The following ALKBH3 variants were observed in gnomAD, a reference collection of about 807,000 sequenced individuals.
The protein encoded by ALKBH3 is alpha-ketoglutarate-dependent dioxygenase alkB homolog 3.
A neutral mutation model predicts 43.9 loss-of-function variants in ALKBH3; 51 were observed. The observed-to-expected ratio is 1.16, with a 90% CI of 0.93 to 1.47. ALKBH3 has a LOEUF of 1.47. Among genes scored for constraint, ALKBH3 ranks in the 40% most tolerant of loss-of-function variants. The pLI, the probability that ALKBH3 is intolerant of heterozygous loss-of-function variation, is 0.00. For missense variants in ALKBH3, 361 were observed against 351.9 expected, an observed-to-expected ratio of 1.03 and a Z score of -0.21; for synonymous variants, 102 against 115.2, an observed-to-expected ratio of 0.89 and a Z score of 0.73.
intron 7 of ALKBH3, among the ~76,000 whole-genome samples, chr11:43,895,197 C>T (rs753438228): frequency 5.3e-5 from 8 of 152,238 alleles, no homozygotes; most frequent in South Asian, 4.1e-4. Context: ...TTCTTCACTG[C>T]GAAACATATA....
At chr11:43,903,154 A>G (rs974859924) in intron 8 of ALKBH3, among the ~76,000 whole-genome samples, 1 of 152,182 alleles carries the variant, frequency 6.6e-6, no homozygotes, top group Admixed American at 6.5e-5. Context: ...GATCATTGTT[A>G]GGGGATTGGT....
Position 43,898,612 on chromosome 11 carries a change from C to G in ALKBH3, c.460-2904C>G, listed in dbSNP as rs772106325. The G allele has an allele frequency of 1.3e-5, 10 of 742,204 alleles. No individual in the cohort carries two copies. In the East Asian group the frequency reaches 2.5e-4, roughly 19 times the overall value. 46.0% of individuals were successfully genotyped at this position (742,204 alleles called of 1,614,324 possible). On this transcript the variant is annotated intron_variant, in intron 7 of 9. Coordinates refer to ENST00000302708, the MANE Select transcript of ALKBH3 (RefSeq NM_139178.4). ...TTGGCCTATCAGCTCATGGACCTGC[C>G]TGGCGGACTTGGAAGGGGTGAACAT...
chr11:43,914,108 G>A (rs545556316), intron 8 of ALKBH3, among the ~76,000 whole-genome samples: 1 of 152,284 alleles, frequency 6.6e-6, no homozygotes, highest in South Asian at 2.1e-4. Flanking sequence ...GACCCCTACA[G>A]TATAGTCAGG....
chr11:43,917,882 T>G (rs1951996216), intron 8 of ALKBH3, among the ~76,000 whole-genome samples: 1 of 152,232 alleles, frequency 6.6e-6, no homozygotes, highest in Non-Finnish European at 1.5e-5. Context: ...TGACTATGCT[T>G]GACAAAGTTA....
chr11:43,919,545 G>C (rs1372642676), intron 9 of ALKBH3: 1 of 277,486 alleles, frequency 3.6e-6, no homozygotes, highest in East Asian at 8.6e-5. Context: ...TTTTAGGCCA[G>C]ATCATTTCTA....
At position 43,901,704 on chromosome 11, in the gene ALKBH3, G is replaced by A. The variant is rs763212616; in HGVS notation, c.648G>A (p.Glu216=). ...SLSFGATRTF[E]MRKKPPPEEN... is the part of the protein sequence containing the mutation. The stretch of plus-strand genomic sequence containing the variant: ...GTTTTGGTGCCACACGCACATTTGA[G>A]ATGAGAAAGAAGCCACCACCAGTGA... Residue 216 remains glutamate, a synonymous_variant, in exon 8 of 10, where the codon GAG becomes GAA. Coordinates refer to ENST00000302708, the MANE Select transcript of ALKBH3 (RefSeq NM_139178.4). The A allele has an allele frequency of 2.9e-5, 47 of 1,614,104 alleles. 1 individual carries two copies. In the South Asian group the frequency reaches 4.9e-4, roughly 17 times the overall value.
chr11:43,901,367 TTC>T (rs1213743258), intron 7 of ALKBH3, 147 bp from the exon 8 acceptor site: 3 of 778,292 alleles, frequency 3.9e-6, no homozygotes, highest in Non-Finnish European at 6.1e-6. Context: ...TTTTCTTGCC[TTC>T]TGTTTATTGC....
chr11:43,891,656 C>T (rs1453097175), intron 6 of ALKBH3, among the ~76,000 whole-genome samples: 1 of 152,100 alleles, frequency 6.6e-6, no homozygotes, highest in Non-Finnish European at 1.5e-5. Context: ...TTGTTTCTCA[C>T]ATGGATGTTG....
At position 43,889,915 on chromosome 11, in the gene ALKBH3, G is replaced by A. The variant is rs999109263; in HGVS notation, c.370+87G>A. The A allele has an allele frequency of 1.2e-5, 14 of 1,154,096 alleles. No individual in the cohort carries two copies. In the Admixed American group the frequency reaches 2.1e-4, roughly 17 times the overall value. 71.5% of individuals were successfully genotyped at this position (1,154,096 alleles called of 1,614,324 possible). On this transcript the variant is annotated intron_variant, in intron 6 of 9. Coordinates refer to ENST00000302708, the MANE Select transcript of ALKBH3 (RefSeq NM_139178.4). The stretch of plus-strand genomic sequence containing the variant: ...AGTACCATCACTTCTGCTCACCAAA[G>A]CTAGTCTTAAACAGAAATTCAAAAC...
chr11:43,887,931 G>A (rs1022551659), intron 5 of ALKBH3, among the ~76,000 whole-genome samples: 17 of 151,786 alleles, frequency 1.1e-4, no homozygotes, highest in African/African-American at 4.1e-4. Flanking sequence ...TGGGACTACA[G>A]GCACGTGCCA....
intron 8 of ALKBH3, chr11:43,910,089 A>T (rs1161119925): frequency 1.3e-5 from 2 of 152,156 alleles, no homozygotes; most frequent in Non-Finnish European, 2.9e-5. Flanking sequence ...CTTCCTCTGA[A>T]ATACTGTCTT....
At chr11:43,882,559 G>T in intron 1 of ALKBH3, 24 bp from the exon 2 acceptor site, 1 of 1,166,096 alleles carries the variant, frequency 8.6e-7, no homozygotes, top group Non-Finnish European at 1.2e-6. Flanking sequence ...TAAAAGCACT[G>T]TTTTGTTTTG....
intron 7 of ALKBH3, chr11:43,898,137 T>C (rs1951832966): frequency 8.5e-7 from 1 of 1,182,884 alleles, no homozygotes; most frequent in Non-Finnish European, 1.3e-6. Context: ...GCATCCCTGA[T>C]AACAAACTAG....
chr11:43,908,915 G>A (rs1355994780), intron 8 of ALKBH3, among the ~76,000 whole-genome samples: 1 of 152,190 alleles, frequency 6.6e-6, no homozygotes, highest in Non-Finnish European at 1.5e-5. Context: ...TCTTAAGTTA[G>A]TGAGACATTG....
intron 8 of ALKBH3, among the ~76,000 whole-genome samples, chr11:43,908,693 G>A (rs1027536362): frequency 1.3e-5 from 2 of 152,114 alleles, no homozygotes; most frequent in Admixed American, 6.5e-5. Context: ...GCTCAAATTC[G>A]GTAACTTCTT....
chr11:43,904,755 T>A (rs1482229040), intron 8 of ALKBH3, among the ~76,000 whole-genome samples: 1 of 152,220 alleles, frequency 6.6e-6, no homozygotes, highest in East Asian at 1.9e-4. Context: ...TTTGTCTACT[T>A]TTCTTTATAA....
intron 7 of ALKBH3, chr11:43,898,087 G>T: frequency 4.9e-6 from 5 of 1,029,108 alleles, no homozygotes. Flanking sequence ...GCTGAGTGGC[G>T]ATGCCCTCAG....
At position 43,882,589 on chromosome 11, in the gene ALKBH3, T is replaced by C; in HGVS notation, c.-64T>C. The stretch of plus-strand genomic sequence containing the variant: ...GTTTTGTTTTAATAAACAGATACCA[T>C]GGAGTAGTTTGAAACAGGAACAAAA... On this transcript the variant is annotated 5_prime_UTR_variant, in exon 2 of 10. An upstream start codon of the reference 5' UTR is lost. Transcript: ENST00000302708. 1 of 1,449,916 alleles carries C rather than the reference T, an allele frequency of 6.9e-7. No individual in the cohort carries two copies. The allele number at this position is 1,449,916 out of a possible 1,614,324, so 89.8% of individuals were successfully genotyped here.
intron 7 of ALKBH3, chr11:43,898,720 C>T (rs779194029): frequency 4.2e-6 from 3 of 715,334 alleles, no homozygotes; most frequent in East Asian, 5.0e-5. Context: ...GAGACTGGGC[C>T]GACTTCTCAT....
Sources: allele counts gnomAD v4.1 joint callset (sites outside exome capture counted in the v4.1 genomes callset), GRCh38; gene constraint gnomAD v4.1.1; transcripts MANE v1.5; gene names NCBI Gene and HGNC (gene_info 2026-07-23, HGNC 2026-07-21).